TRAF5: variants seen among roughly 807,000 people sequenced by gnomAD.
The protein encoded by TRAF5 is TNF receptor associated factor 5, also known as TNF receptor-associated factor 5.
In TRAF5, 48 loss-of-function variants were observed where a neutral mutation model predicts 64.5. That is an observed-to-expected ratio of 0.74 (90% CI 0.59 to 0.95). TRAF5 has a LOEUF of 0.95. Ranked by LOEUF, TRAF5 falls within the 40% of genes least tolerant of loss-of-function variation. TRAF5 has a pLI of 0.00. For synonymous variants in TRAF5, 206 were observed against 240.5 expected, an observed-to-expected ratio of 0.86 and a Z score of 1.33; for missense variants, 545 against 662.8, an observed-to-expected ratio of 0.82 and a Z score of 1.95.
chr1:211,335,876 C>T (rs61851033), intron 1 of TRAF5, among the ~76,000 whole-genome samples: 25,077 of 152,078 alleles, frequency 0.16, 2,184 homozygotes, highest in African/African-American at 0.22. Flanking sequence ...GAGGTCACCT[C>T]TGCCGCCACC....
chr1:211,351,031 C>CTTTTTTT (rs11426853), intron 1 of TRAF5, among the ~76,000 whole-genome samples: 1 of 116,038 alleles, frequency 8.6e-6, no homozygotes, highest in African/African-American at 3.4e-5. Context: ...CTGGCCTCTT[C>CTTTTTTT]TTTTTTTTTT....
At chr1:211,328,788 C>T (rs1460889120) in intron 1 of TRAF5, among the ~76,000 whole-genome samples, 1 of 152,230 alleles carries the variant, frequency 6.6e-6, no homozygotes, top group African/African-American at 2.4e-5. Flanking sequence ...CGTTCCTTTG[C>T]AAAGCATTTT....
intron 1 of TRAF5, among the ~76,000 whole-genome samples, chr1:211,339,172 C>A (rs1370538010): frequency 6.6e-6 from 1 of 152,188 alleles, no homozygotes; most frequent in South Asian, 2.1e-4. Flanking sequence ...AGGCCTCGGA[C>A]TGTTCATTGG....
At chr1:211,356,787 C>T (rs747583951) in intron 4 of TRAF5, 18 of 203,406 alleles carry the variant, frequency 8.8e-5, no homozygotes, top group Non-Finnish European at 1.8e-4. Flanking sequence ...AAGAATATGC[C>T]ATTTTGGGGG....
chr1:211,355,556 T>A (rs567759251), intron 3 of TRAF5, among the ~76,000 whole-genome samples: 1 of 152,278 alleles, frequency 6.6e-6, no homozygotes, highest in East Asian at 1.9e-4. Flanking sequence ...TTATGAGGTG[T>A]TTTGCAAATA....
Position 211,372,804 on chromosome 1 carries a change from G to C in TRAF5, c.*102G>C. The stretch of plus-strand genomic sequence containing the variant: ...CTGGATTTAGACTCAAAGCACATTT[G>C]TATTTGCCTTTTTCCTTAACGTTTG... On this transcript the variant is annotated 3_prime_UTR_variant, in exon 11 of 11. Coordinates refer to ENST00000261464, the MANE Select transcript of TRAF5 (RefSeq NM_001033910.3). 1 of 1,096,634 alleles carries C rather than the reference G, an allele frequency of 9.1e-7. No individual in the cohort carries two copies. Among genetic ancestry groups the C allele is most frequent in the East Asian group, 2.4e-5 (1 of 41,856 alleles). The allele number at this position is 1,096,634 out of a possible 1,614,324, so 67.9% of individuals were successfully genotyped here.
Position 211,361,103 on chromosome 1 carries a change from G to T in TRAF5, c.637G>T (p.Ala213Ser), listed in dbSNP as rs200289585. The change falls in exon 7 of 11, where the codon GCT (alanine) becomes TCT (serine). Residue 213 changes from alanine to serine, a missense_variant. By Grantham distance (99) the Ala-to-Ser change is moderately conservative. Coordinates refer to ENST00000261464, the MANE Select transcript of TRAF5 (RefSeq NM_001033910.3). ...CATTTCGTAGGTAGATGAACACCTG[G>T]CTGTATGTCCTGAAGCTGAGCAAGA... ...ILKTEVDEHL[A>S]VCPEAEQDCP... 2 of 1,613,962 alleles carry T rather than the reference G, an allele frequency of 1.2e-6. No individual in the cohort carries two copies. Among genetic ancestry groups the T allele is most frequent in the South Asian group, 2.2e-5 (2 of 91,092 alleles).
chr1:211,347,535 A>G (rs1348676730), intron 1 of TRAF5, among the ~76,000 whole-genome samples: 4 of 152,228 alleles, frequency 2.6e-5, no homozygotes, highest in African/African-American at 9.6e-5. Flanking sequence ...CAAGACAATA[A>G]CCGATTAGAG....
intron 8 of TRAF5, among the ~76,000 whole-genome samples, chr1:211,367,237 C>T (rs1173313305): frequency 6.6e-6 from 1 of 152,178 alleles, no homozygotes; most frequent in African/African-American, 2.4e-5. Flanking sequence ...CTCAGCCGCC[C>T]AAAGCGGTTT....
At chr1:211,332,769 A>T (rs1702189880) in intron 1 of TRAF5, among the ~76,000 whole-genome samples, 2 of 152,348 alleles carry the variant, frequency 1.3e-5, no homozygotes, top group African/African-American at 2.4e-5. Context: ...TTGAGCAAAG[A>T]TGTTTTAAAA....
intron 1 of TRAF5, among the ~76,000 whole-genome samples, chr1:211,334,436 A>G (rs1214487563): frequency 6.6e-6 from 1 of 152,206 alleles, no homozygotes; most frequent in African/African-American, 2.4e-5. Context: ...AGGCGGGCTG[A>G]TCACAAGGTC....
At chr1:211,335,188 G>A (rs916501047) in intron 1 of TRAF5, among the ~76,000 whole-genome samples, 2 of 152,168 alleles carry the variant, frequency 1.3e-5, no homozygotes, top group Non-Finnish European at 2.9e-5. Flanking sequence ...TGGTGGCTTT[G>A]ACAGCAGACA....
At position 211,356,512 on chromosome 1, in the gene TRAF5, A is replaced by G. The variant is rs746972634; in HGVS notation, c.378+44A>G. On this transcript the variant is annotated intron_variant, in intron 4 of 10. Coordinates refer to ENST00000261464, the MANE Select transcript of TRAF5 (RefSeq NM_001033910.3). ...CGATATCTGCTTTTGCCATTTTTCC[A>G]GGAATGTGTGTTGAACCCCTTTATG... The G allele has an allele frequency of 1.9e-6, 3 of 1,566,668 alleles. No homozygotes were observed. In the African/African-American group the frequency reaches 4.1e-5, roughly 21 times the overall value.
rs1233030620 is a variant in TRAF5 at position 211,373,513 on chromosome 1, CATACAT to C, written c.*817_*822del. 6.6e-6 allele frequency: 1 copy of C among 152,120 alleles called. No homozygotes were observed. Among genetic ancestry groups the C allele is most frequent in the Non-Finnish European group, 1.5e-5 (1 of 68,030 alleles). The allele number at this position is 152,120 out of a possible 1,614,324, so 9.4% of individuals were successfully genotyped here. ...AAATAAATATATATATACACACACA[CATACAT>C]ATACACCTATATATGTGTGTATACA... On this transcript the variant is annotated 3_prime_UTR_variant, in exon 11 of 11. Transcript: ENST00000261464.
rs1382244217 is a variant in TRAF5, at chr1:211,356,694, G to A, written c.378+226G>A. 3.5e-5 allele frequency: 16 copies of A among 459,344 alleles called. 1 individual carries two copies. Among genetic ancestry groups the A allele is most frequent in the Non-Finnish European group, 6.4e-5 (16 of 250,846 alleles). 28.5% of individuals were successfully genotyped at this position (459,344 alleles called of 1,614,324 possible). A position where few individuals can be genotyped will look rare whatever the true frequency, so the allele number is the denominator to read the frequency against. ...GTATGGAGCGCATGGAGGACATCTT[G>A]TATCCACTAGACCTTAATTGTGTGG... On this transcript the variant is annotated intron_variant, in intron 4 of 10. Transcript: ENST00000261464.
chr1:211,355,953 T>C (rs1259800178), intron 3 of TRAF5, among the ~76,000 whole-genome samples: 2 of 152,168 alleles, frequency 1.3e-5, no homozygotes, highest in African/African-American at 4.8e-5. Context: ...TTACAGAGAA[T>C]GTTTGCCGAC....
intron 1 of TRAF5, among the ~76,000 whole-genome samples, chr1:211,332,856 GGT>G (rs1702192252): frequency 1.3e-5 from 2 of 152,180 alleles, no homozygotes; most frequent in Non-Finnish European, 2.9e-5. Context: ...CTTATGTTAA[GGT>G]GTTTTATTTC....
chr1:211,333,792 C>T (rs900582820), intron 1 of TRAF5, among the ~76,000 whole-genome samples: 50 of 152,308 alleles, frequency 3.3e-4, no homozygotes, highest in Admixed American at 5.2e-4. Context: ...CCACCGTACC[C>T]GGCCTAAGGA....
chr1:211,334,971 C>G (rs963605881), intron 1 of TRAF5, among the ~76,000 whole-genome samples: 1 of 152,204 alleles, frequency 6.6e-6, no homozygotes, highest in Non-Finnish European at 1.5e-5. Flanking sequence ...AGCATGGCCT[C>G]CTACTGCTGT....
Sources: gnomAD v4.1 joint callset for allele counts (sites outside exome capture counted in the v4.1 genomes callset) on GRCh38, gnomAD v4.1.1 for gene constraint, MANE v1.5 for transcripts, NCBI Gene and HGNC (gene_info 2026-07-23, HGNC 2026-07-21) for gene names.